The following PDE11A variants were observed in gnomAD, a reference collection of about 807,000 sequenced individuals.
The protein encoded by PDE11A is dual 3',5'-cyclic-AMP and -GMP phosphodiesterase 11A.
Under a neutral mutation model 100.5 loss-of-function variants are expected in PDE11A, and 100 were observed. The observed-to-expected ratio is 1.00, with a 90% CI of 0.85 to 1.18. The LOEUF is 1.18. Among genes scored for constraint, PDE11A ranks in the 50% most tolerant of loss-of-function variants. PDE11A has a pLI of 0.00. For synonymous variants in PDE11A, 381 were observed against 420.8 expected (o/e 0.91, Z 1.16); for missense variants, 1,141 against 1,152.6 (o/e 0.99, Z 0.15).
chr2:177,637,867 C>A (rs1430305516), intron 19 of PDE11A, among the ~76,000 whole-genome samples: 1 of 148,440 alleles, frequency 6.7e-6, no homozygotes, highest in Non-Finnish European at 1.5e-5. Flanking sequence ...GCTTAATCTG[C>A]TATGGATCTC....
chr2:177,723,776 C>CT (rs1341901070), intron 12 of PDE11A, among the ~76,000 whole-genome samples: 18 of 151,310 alleles, frequency 1.2e-4, no homozygotes, highest in Non-Finnish European at 2.2e-4. Flanking sequence ...TTAAAGAAAT[C>CT]TTTTTTTTTC....
intron 19 of PDE11A, among the ~76,000 whole-genome samples, chr2:177,633,588 A>T (rs912251023): frequency 9.2e-5 from 14 of 152,246 alleles, no homozygotes; most frequent in Admixed American, 9.2e-4. Flanking sequence ...TAGTTATTTC[A>T]TATGATAATA....
intron 10 of PDE11A, among the ~76,000 whole-genome samples, chr2:177,751,582 CTG>C (rs908501832): frequency 2.0e-5 from 3 of 152,166 alleles, no homozygotes; most frequent in African/African-American, 7.2e-5. Context: ...CCTCAGAAAG[CTG>C]TGTCTAATGC....
At position 178,082,379 on chromosome 2, in the gene PDE11A, A is replaced by C. The variant is rs2087297213; in HGVS notation, c.162+21923T>G. Among the ~76,000 whole-genome samples the C allele has an allele frequency of 2.0e-5, 3 of 152,314 alleles. No individual in the cohort carries two copies. The South Asian group carries it at 6.2e-4, about 32-fold the overall frequency. On this transcript the variant is annotated intron_variant, in intron 2 of 20. Transcript: ENST00000358450. Reference sequence around the variant, plus strand: ...AATACAATTTTAAAATACGTATACCATTTTTTAATAGTAAAACCTTTTTTA... The same window carrying C: ...AATACAATTTTAAAATACGTATACCCTTTTTTAATAGTAAAACCTTTTTTA...
chr2:178,061,353 C>T (rs922944279), intron 1 of PDE11A, among the ~76,000 whole-genome samples: 10 of 152,044 alleles, frequency 6.6e-5, no homozygotes, highest in African/African-American at 2.2e-4. Flanking sequence ...TACTAAACAA[C>T]CATCCTACAA....
At chr2:177,958,254 C>A (rs912525001) in intron 2 of PDE11A, among the ~76,000 whole-genome samples, 1 of 152,094 alleles carries the variant, frequency 6.6e-6, no homozygotes, top group African/African-American at 2.4e-5. Flanking sequence ...ATGTTTTTTT[C>A]TCCTCAGTAC....
intron 10 of PDE11A, among the ~76,000 whole-genome samples, chr2:177,749,988 C>T (rs1349869247): frequency 6.6e-6 from 1 of 152,252 alleles, no homozygotes; most frequent in Non-Finnish European, 1.5e-5. Context: ...TCATTTACAA[C>T]AGTACATAAT....
At chr2:178,056,094 G>A (rs918713216) in intron 1 of PDE11A, among the ~76,000 whole-genome samples, 1 of 152,164 alleles carries the variant, frequency 6.6e-6, no homozygotes, top group Non-Finnish European at 1.5e-5. Context: ...TCGACGACTT[G>A]TCACAGAAGG....
Position 177,936,215 on chromosome 2 carries a change from C to T in PDE11A, c.1072-31028G>A, listed in dbSNP as rs561723381. On this transcript the variant is annotated intron_variant, in intron 2 of 19. Coordinates refer to ENST00000286063, the MANE Select transcript of PDE11A (RefSeq NM_016953.4). The stretch of plus-strand genomic sequence containing the variant: ...GTATCGAACCATAATAAAGAATGTT[C>T]TTTTACATTTTTTGTTCTTGCTCTC... Among the ~76,000 whole-genome samples the T allele has an allele frequency of 2.0e-5, 3 of 152,262 alleles. No individual in the cohort carries two copies. In the South Asian group the frequency reaches 6.2e-4, roughly 32 times the overall value.
intron 12 of PDE11A, among the ~76,000 whole-genome samples, chr2:177,716,397 C>G (rs892551280): frequency 6.6e-6 from 1 of 152,134 alleles, no homozygotes; most frequent in African/African-American, 2.4e-5. Context: ...TCCTCCACAC[C>G]CTCACCTCTG....
chr2:177,719,940 C>G (rs1174472332), intron 12 of PDE11A, among the ~76,000 whole-genome samples: 1 of 152,068 alleles, frequency 6.6e-6, no homozygotes, highest in Non-Finnish European at 1.5e-5. Context: ...TCATACTTAA[C>G]ATGAAGAGTC....
intron 3 of PDE11A, among the ~76,000 whole-genome samples, chr2:177,900,703 A>G (rs2084681669): frequency 6.6e-6 from 1 of 152,190 alleles, no homozygotes; most frequent in Non-Finnish European, 1.5e-5. Flanking sequence ...AGTTGCAGTG[A>G]GCTGAGATCA....
chr2:178,083,690 A>G (rs1438906826), intron 2 of PDE11A, among the ~76,000 whole-genome samples: 1 of 152,158 alleles, frequency 6.6e-6, no homozygotes, highest in Non-Finnish European at 1.5e-5. Flanking sequence ...CACATTCCCC[A>G]AATACATACA....
intron 2 of PDE11A, among the ~76,000 whole-genome samples, chr2:177,995,851 C>T (rs1444874568): frequency 2.6e-5 from 4 of 152,192 alleles, no homozygotes; most frequent in South Asian, 4.1e-4. Context: ...ATTATACTAT[C>T]TCTTCCTGTA....
At chr2:177,681,127 A>G (rs1310390269) in intron 15 of PDE11A, among the ~76,000 whole-genome samples, 1 of 152,220 alleles carries the variant, frequency 6.6e-6, no homozygotes, top group Non-Finnish European at 1.5e-5. Context: ...TGTATTTACA[A>G]CAGAGGAGAT....
At chr2:177,842,304 C>G (rs752390768) in intron 5 of PDE11A, among the ~76,000 whole-genome samples, 26 of 152,086 alleles carry the variant, frequency 1.7e-4, no homozygotes, top group Non-Finnish European at 3.4e-4. Context: ...GCCAGTTTTA[C>G]CAATAAGTGT....
At chr2:177,945,514 C>T (rs1245823111) in intron 2 of PDE11A, among the ~76,000 whole-genome samples, 1 of 148,486 alleles carries the variant, frequency 6.7e-6, no homozygotes, top group Non-Finnish European at 1.5e-5. Context: ...GGCCGAGACC[C>T]CGTCTGGGAG....
rs141027972 is a variant in PDE11A at position 178,047,752 on chromosome 2, C to T, written c.912+23774G>A. ...GGAAGGATTATTTTGTAAGGTTTCT[C>T]CTCTGTGTTTTCATAATTAACATGG... On this transcript the variant is annotated intron_variant, in intron 1 of 19. Transcript: ENST00000286063. 3.3e-5 allele frequency among the ~76,000 whole-genome samples: 5 copies of T among 152,192 alleles called. No individual in the cohort carries two copies. In the East Asian group the frequency reaches 5.8e-4, roughly 18 times the overall value.
chr2:177,840,108 G>A, intron 6 of PDE11A, 143 bp downstream of exon 6: 2 of 812,658 alleles, frequency 2.5e-6, no homozygotes, highest in Non-Finnish European at 4.0e-6. Flanking sequence ...CTAACTTAGA[G>A]TCAACAGTAG....
Sources: gnomAD v4.1 joint callset for allele counts (sites outside exome capture counted in the v4.1 genomes callset) on GRCh38, gnomAD v4.1.1 for gene constraint, MANE v1.5 for transcripts, NCBI Gene and HGNC (gene_info 2026-07-23, HGNC 2026-07-21) for gene names.